Variants in PHAX observed in about 807,000 individuals in gnomAD.
PHAX encodes the protein phosphorylated adapter RNA export protein.
In PHAX, 31 loss-of-function variants were observed where a neutral mutation model predicts 41.6. The observed-to-expected ratio is 0.75, with a 90% CI of 0.56 to 1.01. The LOEUF (loss-of-function observed/expected upper bound fraction) is 1.01. Ranked by LOEUF, PHAX falls within the 50% of genes least tolerant of loss-of-function variation. The probability of loss-of-function intolerance (pLI) is 0.00; values close to 1 mark genes in which losing one functional copy is unlikely to be tolerated. For missense variants in PHAX, 453 were observed against 472.9 expected (o/e 0.96, Z 0.39); for synonymous variants, 175 against 164.9 (o/e 1.06, Z -0.47).
intron 2 of PHAX, among the ~76,000 whole-genome samples, chr5:126,606,417 G>T (rs139859764): frequency 3.3e-5 from 5 of 151,866 alleles, no homozygotes; most frequent in African/African-American, 1.2e-4. Context: ...GGCTGGTCTC[G>T]AACTCCAGAC....
At chr5:126,612,324 G>A (rs939924678) in intron 3 of PHAX, among the ~76,000 whole-genome samples, 3 of 152,170 alleles carry the variant, frequency 2.0e-5, no homozygotes, top group East Asian at 1.9e-4. Flanking sequence ...GCCAGGTCTA[G>A]TGGGAACTTG....
In PHAX at chr5:126,627,013, T is replaced by C. The variant is rs974755262; in HGVS notation, c.*2169T>C. The C allele has an allele frequency of 1.3e-5, 2 of 152,222 alleles. No individual in the cohort carries two copies. The highest frequency in any genetic ancestry group is 4.8e-5 in the African/African-American group (2 of 41,462). The allele number at this position is 152,222 out of a possible 1,614,324, so 9.4% of individuals were successfully genotyped here. A position where few individuals can be genotyped will look rare whatever the true frequency, so the allele number is the denominator to read the frequency against. The stretch of plus-strand genomic sequence containing the variant: ...GTTTAGACATTCCAAGAGTTAACTA[T>C]AGTTTACAAAAATATATTAAGCAAA... On this transcript the variant is annotated 3_prime_UTR_variant, in exon 5 of 5. Coordinates refer to ENST00000297540, the MANE Select transcript of PHAX (RefSeq NM_032177.4).
intron 3 of PHAX, among the ~76,000 whole-genome samples, chr5:126,613,955 T>C (rs1227523816): frequency 6.6e-6 from 1 of 151,994 alleles, no homozygotes; most frequent in Admixed American, 6.6e-5. Flanking sequence ...TTTGTATTTT[T>C]TGTAGAGACA....
At chr5:126,619,445 G>A (rs543507677) in intron 4 of PHAX, among the ~76,000 whole-genome samples, 4 of 152,066 alleles carry the variant, frequency 2.6e-5, no homozygotes, top group South Asian at 4.2e-4. Flanking sequence ...GCATGGTGGC[G>A]GGCGCCTGTA....
At chr5:126,611,755 C>T (rs960547741) in intron 3 of PHAX, among the ~76,000 whole-genome samples, 5 of 149,742 alleles carry the variant, frequency 3.3e-5, no homozygotes, top group South Asian at 4.2e-4. Flanking sequence ...CGTGCCACTG[C>T]GCTCCAGCTT....
At chr5:126,623,325 A>T (rs1018587636) in intron 4 of PHAX, among the ~76,000 whole-genome samples, 8 of 152,134 alleles carry the variant, frequency 5.3e-5, no homozygotes, top group African/African-American at 1.7e-4. Context: ...GAGAAATCAT[A>T]TGTGAGTTCA....
At chr5:126,623,452 G>A (rs1323217311) in intron 4 of PHAX, among the ~76,000 whole-genome samples, 2 of 152,162 alleles carry the variant, frequency 1.3e-5, no homozygotes, top group Non-Finnish European at 2.9e-5. Context: ...GTTAATGTGT[G>A]TGTAAAGTCC....
chr5:126,617,105 T>C, intron 3 of PHAX, 145 bp from the exon 4 acceptor site: 3 of 458,614 alleles, frequency 6.5e-6, no homozygotes, highest in Non-Finnish European at 1.2e-5. Flanking sequence ...TTTACTCATG[T>C]TACCTATTTT....
At chr5:126,604,567 C>CTATG (rs1751960971) in intron 2 of PHAX, among the ~76,000 whole-genome samples, 1 of 151,720 alleles carries the variant, frequency 6.6e-6, no homozygotes. Flanking sequence ...CTGGCCTAAT[C>CTATG]TATTTATTTA....
chr5:126,608,350 T>C lies in PHAX; in HGVS notation c.711-14T>C. On this transcript the variant is annotated splice_polypyrimidine_tract_variant and intron_variant, in intron 2 of 4. Transcript: ENST00000297540. ...CAACAAACAAAGAGGATAATTTTAC[T>C]TGTTTCTCATCAGGTTACAGGAACC... is the stretch of plus-strand genomic sequence containing the variant. The C allele has an allele frequency of 6.2e-7, 1 of 1,610,218 alleles. No homozygotes were observed. Among genetic ancestry groups the C allele is most frequent in the Non-Finnish European group, 8.5e-7 (1 of 1,178,330 alleles).
At chr5:126,605,983 C>T (rs1241015179) in intron 2 of PHAX, among the ~76,000 whole-genome samples, 2 of 152,106 alleles carry the variant, frequency 1.3e-5, no homozygotes, top group Non-Finnish European at 2.9e-5. Flanking sequence ...CCAGTAAGAT[C>T]CCTTATGTCC....
In PHAX at chr5:126,625,679, G is replaced by A. The variant is rs1306792443; in HGVS notation, c.*835G>A. The A allele has an allele frequency of 4.0e-5, 6 of 151,864 alleles. No individual in the cohort carries two copies. Among genetic ancestry groups the A allele is most frequent in the South Asian group, 4.2e-4 (2 of 4,816 alleles). The allele number at this position is 151,864 out of a possible 1,614,324, so 9.4% of individuals were successfully genotyped here. A position where few individuals can be genotyped will look rare whatever the true frequency, so the allele number is the denominator to read the frequency against. On this transcript the variant is annotated 3_prime_UTR_variant, in exon 5 of 5. Transcript: ENST00000297540. ...GTTTGTCCAGAAGTAAATAAATGTC[G>A]GAAGTTTTCCAAGTAACTATTTGTT...
Position 126,625,595 on chromosome 5 carries a change from T to TTA in PHAX, c.*751_*752insTA, listed in dbSNP as rs1752336426. 7.7e-4 allele frequency: 88 copies of TTA among 114,596 alleles called. 1 individual carries two copies. Among genetic ancestry groups the TTA allele is most frequent in the African/African-American group, 3.6e-3 (87 of 24,498 alleles). The allele number at this position is 114,596 out of a possible 1,614,324, so 7.1% of individuals were successfully genotyped here. ...CTGGGCGACAGAGCAAGACTCTGTC[T>TTA]CAAAAAAAAAAAAAAATACAATTAA... On this transcript the variant is annotated 3_prime_UTR_variant, in exon 5 of 5. Coordinates refer to ENST00000297540, the MANE Select transcript of PHAX (RefSeq NM_032177.4).
At chr5:126,603,518 A>G (rs1016758121) in intron 1 of PHAX, 52 bp from the exon 2 acceptor site, 47 of 1,534,514 alleles carry the variant, frequency 3.1e-5, no homozygotes, top group Admixed American at 1.5e-4. Context: ...AAAATTAGGT[A>G]GGTGGAGTTT....
At chr5:126,608,268 A>T in intron 2 of PHAX, 96 bp from the exon 3 acceptor site, 1 of 1,392,400 alleles carries the variant, frequency 7.2e-7, no homozygotes, top group Non-Finnish European at 9.7e-7. Flanking sequence ...ACCAAAAGTT[A>T]CTAGAATCAG....
chr5:126,605,232 G>C (rs1751970779), intron 2 of PHAX, among the ~76,000 whole-genome samples: 1 of 151,548 alleles, frequency 6.6e-6, no homozygotes, highest in Non-Finnish European at 1.5e-5. Flanking sequence ...AGCACAATCA[G>C]AGCTCATTGA....
In PHAX at chr5:126,626,765, G is replaced by T. The variant is rs1752361669; in HGVS notation, c.*1921G>T. On this transcript the variant is annotated 3_prime_UTR_variant, in exon 5 of 5. Transcript: ENST00000297540. ...AAAAAAAAAAAAATACAAAAAATTA[G>T]CCGGGCATTGTGGTGCATGCCTGTA... is the stretch of plus-strand genomic sequence containing the variant. The T allele has an allele frequency of 1.4e-5, 2 of 141,908 alleles. No homozygotes were observed. Among genetic ancestry groups the T allele is most frequent in the Admixed American group, 1.5e-4 (2 of 13,674 alleles). 8.8% of individuals were successfully genotyped at this position (141,908 alleles called of 1,614,324 possible). A position where few individuals can be genotyped will look rare whatever the true frequency, so the allele number is the denominator to read the frequency against.
chr5:126,604,485 G>A (rs949741467), intron 2 of PHAX, among the ~76,000 whole-genome samples: 1 of 151,910 alleles, frequency 6.6e-6, no homozygotes, highest in African/African-American at 2.4e-5. Flanking sequence ...AGCTACTCTC[G>A]AACTCCAGAG....
intron 3 of PHAX, among the ~76,000 whole-genome samples, chr5:126,615,268 G>A (rs1752166311): frequency 6.6e-6 from 1 of 151,948 alleles, no homozygotes; most frequent in South Asian, 2.1e-4. Flanking sequence ...CTCATTATTT[G>A]TAGATTTTAT....
Sources: allele counts gnomAD v4.1 joint callset (sites outside exome capture counted in the v4.1 genomes callset), GRCh38; gene constraint gnomAD v4.1.1; transcripts MANE v1.5; gene names NCBI Gene and HGNC (gene_info 2026-07-23, HGNC 2026-07-21).